MAX: variants seen among roughly 807,000 people sequenced by gnomAD.
MAX encodes protein max.
A neutral mutation model predicts 22.3 loss-of-function variants in MAX; 3 were observed. The observed-to-expected ratio is 0.13, with a 90% CI of 0.06 to 0.35. The LOEUF is 0.35. Ranked by LOEUF, MAX falls within the 10% of genes least tolerant of loss-of-function variation. The probability of loss-of-function intolerance (pLI) is 1.00; values close to 1 mark genes in which losing one functional copy is unlikely to be tolerated. For synonymous variants in MAX, 72 were observed against 77.7 expected, an observed-to-expected ratio of 0.93 and a Z score of 0.39; for missense variants, 119 against 209.4, an observed-to-expected ratio of 0.57 and a Z score of 2.66.
Position 65,012,535 on chromosome 14 carries a change from G to A in MAX, c.172-6251C>T. ...TGGCTCTGGCAGGAGGTAGGGTGCTGTCACAGAGCTGGGACTCAGCCCTGA... is the reference window on the plus strand; with the variant it reads ...TGGCTCTGGCAGGAGGTAGGGTGCTATCACAGAGCTGGGACTCAGCCCTGA... On this transcript the variant is annotated intron_variant, in intron 3 of 3. Transcript: ENST00000341653. The surrounding 1 kb of genome is among the most constrained non-coding windows in gnomAD (Gnocchi z 5.0). 2 of 1,132,608 alleles carry A rather than the reference G, an allele frequency of 1.8e-6. No homozygotes were observed. The highest frequency in any genetic ancestry group is 1.5e-5 in the South Asian group (1 of 67,580). The allele number at this position is 1,132,608 out of a possible 1,614,324, so 70.2% of individuals were successfully genotyped here. A position where few individuals can be genotyped will look rare whatever the true frequency, so the allele number is the denominator to read the frequency against.
At chr14:65,006,116 A>G, downstream of MAX, 1 of 1,593,338 alleles carries the variant, frequency 6.3e-7, no homozygotes, top group Non-Finnish European at 8.5e-7. Context: ...GCTTACTGGA[A>G]CATTATAAAT....
rs1316320305 is a variant in MAX, at chr14:65,078,052, A to G, written c.172-16T>C. On this transcript the variant is annotated splice_polypyrimidine_tract_variant and intron_variant, in intron 3 of 4. Coordinates refer to ENST00000358664, the MANE Select transcript of MAX (RefSeq NM_002382.5). The surrounding 1 kb of genome is among the most constrained non-coding windows in gnomAD (Gnocchi z 6.4). ...CCCGGGATGCCTGTGGCAATATGAG[A>G]AAAAGCACAGGGGACAAAATAAAAA... 1.9e-6 allele frequency: 3 copies of G among 1,614,046 alleles called. No homozygotes were observed. The highest frequency in any genetic ancestry group is 1.7e-5 in the Admixed American group (1 of 59,990).
At chr14:65,070,688 T>C (rs1025081632), downstream of MAX, among the ~76,000 whole-genome samples, 3 of 152,350 alleles carry the variant, frequency 2.0e-5, no homozygotes, top group Admixed American at 2.0e-4. This position sits in a 1 kb window ranked among gnomAD's most constrained non-coding sequence, Gnocchi z 4.4. Context: ...GGCCCAGTCA[T>C]GAGGCTCATC....
intron 3 of MAX, among the ~76,000 whole-genome samples, chr14:65,033,730 G>A (rs892606084): frequency 1.3e-5 from 2 of 152,090 alleles, no homozygotes; most frequent in South Asian, 2.1e-4. Flanking sequence ...GGTGGCGGGC[G>A]CCTGTAGTCC....
chr14:65,075,585 A>C lies in MAX; in HGVS notation c.*891T>G. 9.4e-7 allele frequency: 1 copy of C among 1,066,336 alleles called. No individual in the cohort carries two copies. The highest frequency in any genetic ancestry group is 1.1e-6 in the Non-Finnish European group (1 of 879,698). The allele number at this position is 1,066,336 out of a possible 1,614,324, so 66.1% of individuals were successfully genotyped here. A position where few individuals can be genotyped will look rare whatever the true frequency, so the allele number is the denominator to read the frequency against. ...CTTTATGAATCTGTCGCTTTGCAAG[A>C]CCGACATCATCAGAAATAGGTACAA... On this transcript the variant is annotated 3_prime_UTR_variant, in exon 5 of 5. Transcript: ENST00000358664. This position sits in a 1 kb window ranked among gnomAD's most constrained non-coding sequence, Gnocchi z 4.1.
In MAX at chr14:65,079,772, T is replaced by G. The variant is rs1200877199; in HGVS notation, c.172-1736A>C. Among the ~76,000 whole-genome samples, 2 of 152,228 alleles carry G rather than the reference T, an allele frequency of 1.3e-5. No homozygotes were observed. Among genetic ancestry groups the G allele is most frequent in the African/African-American group, 4.8e-5 (2 of 41,456 alleles). ...TCCTAACAATCTCAATTTATAGGCC[T>G]CAGTTTGGGCTGAGTTTCAGAAAGG... On this transcript the variant is annotated intron_variant, in intron 3 of 4. Coordinates refer to ENST00000358664, the MANE Select transcript of MAX (RefSeq NM_002382.5). The surrounding 1 kb of genome is among the most constrained non-coding windows in gnomAD (Gnocchi z 4.5).
chr14:65,053,300 C>A, intron 3 of MAX: 1 of 1,463,270 alleles, frequency 6.8e-7, no homozygotes, highest in Non-Finnish European at 9.1e-7. Context: ...GGAGTACATC[C>A]TGATGTGCTG....
rs1459488775 is a variant in MAX at position 65,077,353 on chromosome 14, T to C, written c.295+560A>G. On this transcript the variant is annotated intron_variant, in intron 4 of 4. Coordinates refer to ENST00000358664, the MANE Select transcript of MAX (RefSeq NM_002382.5). This position sits in a 1 kb window ranked among gnomAD's most constrained non-coding sequence, Gnocchi z 6.3. ...CCAGGTGGTTACTTGCATTTCCTTTTACTTGCATCTTCCATGAGGGAGGAA... is the reference window on the plus strand; with the variant it reads ...CCAGGTGGTTACTTGCATTTCCTTTCACTTGCATCTTCCATGAGGGAGGAA... 6.2e-7 allele frequency: 1 copy of C among 1,612,472 alleles called. No homozygotes were observed. The highest frequency in any genetic ancestry group is 2.2e-5 in the East Asian group (1 of 44,876).
At chr14:65,099,217 T>C (rs989355138) in intron 2 of MAX, among the ~76,000 whole-genome samples, 9 of 152,314 alleles carry the variant, frequency 5.9e-5, no homozygotes, top group African/African-American at 2.2e-4. Context: ...AATTTGTTTA[T>C]AACATATCTG....
In MAX at chr14:65,027,068, C is replaced by G. The variant is rs2061996094; in HGVS notation, c.172-20784G>C. Among the ~76,000 whole-genome samples, 1 of 152,014 alleles carries G rather than the reference C, an allele frequency of 6.6e-6. No homozygotes were observed. Among genetic ancestry groups the G allele is most frequent in the African/African-American group, 2.4e-5 (1 of 41,374 alleles). ...GGCAAAATTCAAAGGCTGGGAGGTT[C>G]CCAAAGGCAAGGAGGAGGAGGCTGG... On this transcript the variant is annotated intron_variant, in intron 3 of 3. Coordinates refer to the MAX transcript ENST00000341653. The surrounding 1 kb of genome is among the most constrained non-coding windows in gnomAD (Gnocchi z 5.7).
At chr14:65,036,634 GT>G (rs2062199291) in intron 3 of MAX, among the ~76,000 whole-genome samples, 1 of 152,092 alleles carries the variant, frequency 6.6e-6, no homozygotes, top group Non-Finnish European at 1.5e-5. Context: ...TTCTCTGTAT[GT>G]TTTTTTCTTC....
intron 3 of MAX, among the ~76,000 whole-genome samples, chr14:65,017,697 G>A (rs1456035457): frequency 1.3e-5 from 2 of 152,068 alleles, no homozygotes; most frequent in Non-Finnish European, 2.9e-5. Flanking sequence ...GCTCACGCCT[G>A]TAATCCCAAG....
At chr14:65,098,724 C>T (rs890737415) in intron 2 of MAX, among the ~76,000 whole-genome samples, 2 of 152,140 alleles carry the variant, frequency 1.3e-5, no homozygotes, top group African/African-American at 4.8e-5. Context: ...AGTAAGAATA[C>T]TCTTTGGGGT....
At chr14:65,053,315 T>A in intron 3 of MAX, 1 of 1,447,570 alleles carries the variant, frequency 6.9e-7, no homozygotes, top group Non-Finnish European at 9.1e-7. Flanking sequence ...GTGCTGCCAG[T>A]GCCCTGCGGG....
At chr14:65,101,920 G>A (rs1255992604) in intron 1 of MAX, among the ~76,000 whole-genome samples, 1 of 152,054 alleles carries the variant, frequency 6.6e-6, no homozygotes, top group Non-Finnish European at 1.5e-5. Context: ...GGGAGGAGAG[G>A]ATCGCAGTCC....
intron 3 of MAX, among the ~76,000 whole-genome samples, chr14:65,038,705 G>A (rs1267502848): frequency 2.6e-5 from 4 of 152,146 alleles, no homozygotes; most frequent in Admixed American, 1.3e-4. Flanking sequence ...GCATCAGAGC[G>A]AGACTCTGTC....
chr14:65,015,527 C>T (rs2061757171), intron 3 of MAX: 1 of 1,284,238 alleles, frequency 7.8e-7, no homozygotes, highest in Non-Finnish European at 1.1e-6. Flanking sequence ...CCTCCTCCCC[C>T]TTGCCAGGCT....
chr14:65,072,535 A>G (rs189642635), downstream of MAX, among the ~76,000 whole-genome samples: 2 of 152,260 alleles, frequency 1.3e-5, no homozygotes, highest in East Asian at 1.9e-4. Context: ...GGGTTATATT[A>G]CTGTTGGGAG....
chr14:65,084,148 A>T lies in MAX; in HGVS notation c.172-6112T>A, dbSNP rs59272860. 6,943 of 1,612,460 alleles carry T rather than the reference A, an allele frequency of 4.3e-3. 258 individuals carry two copies. The African/African-American group carries it at 0.08, about 19-fold the overall frequency. ...CAGCTTAATTAAAGCCAGGAGTAAG[A>T]CATTTGTGTAAGGGGTCAAAACAAT... On this transcript the variant is annotated intron_variant, in intron 3 of 4. Transcript: ENST00000358664. The surrounding 1 kb of genome is among the most constrained non-coding windows in gnomAD (Gnocchi z 4.3).
Sources: gnomAD v4.1 joint callset for allele counts (sites outside exome capture counted in the v4.1 genomes callset) on GRCh38, gnomAD v4.1.1 for gene constraint, Gnocchi (gnomAD v3.1) non-coding constraint, MANE v1.5 for transcripts, NCBI Gene and HGNC (gene_info 2026-07-23, HGNC 2026-07-21) for gene names.